Variants in CDK17 observed in about 807,000 individuals in gnomAD.
CDK17 encodes cyclin-dependent kinase 17.
In CDK17, 24 loss-of-function variants were observed where a neutral mutation model predicts 77.6. That is an observed-to-expected ratio of 0.31 (90% CI 0.22 to 0.44). The LOEUF (loss-of-function observed/expected upper bound fraction) is 0.44. Among genes scored for constraint, CDK17 ranks in the 20% least tolerant of loss-of-function variants. The pLI, the probability that CDK17 is intolerant of heterozygous loss-of-function variation, is 1.00. For synonymous variants in CDK17, 203 were observed against 210.4 expected (o/e 0.96, Z 0.30); for missense variants, 429 against 622.5 (o/e 0.69, Z 3.31).
chr12:96,364,918 T>C (rs1047819300), intron 1 of CDK17, among the ~76,000 whole-genome samples: 1 of 152,108 alleles, frequency 6.6e-6, no homozygotes, highest in African/African-American at 2.4e-5. Context: ...TCAAGGTATA[T>C]AAAAAAGGTG....
At chr12:96,288,709 G>A (rs1434101212) in intron 11 of CDK17, among the ~76,000 whole-genome samples, 1 of 152,180 alleles carries the variant, frequency 6.6e-6, no homozygotes, top group Non-Finnish European at 1.5e-5. Context: ...CGGTGTGTGA[G>A]AAAGATGACT....
intron 1 of CDK17, among the ~76,000 whole-genome samples, chr12:96,385,885 A>G (rs1305284356): frequency 6.6e-6 from 1 of 152,208 alleles, no homozygotes; most frequent in Non-Finnish European, 1.5e-5. Flanking sequence ...AGGAAAAAAC[A>G]TAAAATAATT....
At chr12:96,370,498 A>G (rs1368472225) in intron 1 of CDK17, among the ~76,000 whole-genome samples, 1 of 152,230 alleles carries the variant, frequency 6.6e-6, no homozygotes, top group Non-Finnish European at 1.5e-5. Context: ...AGCAAGATCA[A>G]AAGTAGGATA....
At chr12:96,387,633 C>G (rs1252466151) in intron 1 of CDK17, among the ~76,000 whole-genome samples, 1 of 152,190 alleles carries the variant, frequency 6.6e-6, no homozygotes, top group Admixed American at 6.5e-5. Context: ...TAACCAGTTA[C>G]TCTATTTTGA....
chr12:96,290,596 A>G (rs745352651), intron 10 of CDK17, among the ~76,000 whole-genome samples: 6 of 152,230 alleles, frequency 3.9e-5, no homozygotes, highest in Non-Finnish European at 8.8e-5. Flanking sequence ...TTACTCTAGC[A>G]TCTCAACTTG....
At chr12:96,364,277 T>G (rs916060725) in intron 1 of CDK17, among the ~76,000 whole-genome samples, 1 of 152,230 alleles carries the variant, frequency 6.6e-6, no homozygotes, top group South Asian at 2.1e-4. Flanking sequence ...GTAAAATACC[T>G]GAGTAAAACT....
At chr12:96,334,952 A>G (rs1477798126) in intron 1 of CDK17, 87 bp from the exon 2 acceptor site, 1 of 694,204 alleles carries the variant, frequency 1.4e-6, no homozygotes, top group Non-Finnish European at 2.6e-6. Context: ...GGAAATCTTT[A>G]AAATAGGAAT....
chr12:96,341,326 C>CAG (rs1953119171), intron 1 of CDK17, among the ~76,000 whole-genome samples: 1 of 140,254 alleles, frequency 7.1e-6, no homozygotes, highest in African/African-American at 2.5e-5. Context: ...CATACACACA[C>CAG]ACACACACAC....
intron 1 of CDK17, among the ~76,000 whole-genome samples, chr12:96,337,743 C>T (rs1393878492): frequency 6.6e-6 from 1 of 152,126 alleles, no homozygotes. Context: ...GAGCTATTGC[C>T]ACTCTCATCT....
intron 1 of CDK17, among the ~76,000 whole-genome samples, chr12:96,382,373 AT>A (rs1180918840): frequency 6.7e-6 from 1 of 150,330 alleles, no homozygotes; most frequent in Non-Finnish European, 1.5e-5. Flanking sequence ...AAAAAAAAAA[AT>A]CCTACCAACC....
Position 96,353,604 on chromosome 12 carries a change from G to GT in CDK17, c.-29-18740_-29-18739insA, listed in dbSNP as rs1406997832. 2.1e-4 allele frequency among the ~76,000 whole-genome samples: 15 copies of GT among 71,992 alleles called. 1 individual carries two copies. The highest frequency in any genetic ancestry group is 9.5e-4 in the Admixed American group (6 of 6,320). 47.2% of individuals were successfully genotyped at this position (71,992 alleles called of 152,430 possible). On this transcript the variant is annotated intron_variant, in intron 1 of 16. Transcript: ENST00000261211. ...AAATGTCAACAGAGTTTAAAAGGTG[G>GT]CGGGGGGGGGCGCGGGTACAAATAT...
At chr12:96,286,513 A>G (rs1036921109) in intron 12 of CDK17, 151 bp downstream of exon 12, 5 of 560,782 alleles carry the variant, frequency 8.9e-6, no homozygotes, top group Admixed American at 6.6e-5. Flanking sequence ...AGAAGGATCT[A>G]TCTTCATAGT....
intron 1 of CDK17, among the ~76,000 whole-genome samples, chr12:96,360,660 A>C (rs1342905239): frequency 6.6e-6 from 1 of 152,212 alleles, no homozygotes; most frequent in East Asian, 1.9e-4. Flanking sequence ...CAAGATGAGA[A>C]ACACTACAGA....
chr12:96,352,985 C>G (rs1953333410), intron 1 of CDK17, among the ~76,000 whole-genome samples: 1 of 146,894 alleles, frequency 6.8e-6, no homozygotes, highest in African/African-American at 2.4e-5. Context: ...ATAGAAACCA[C>G]CTGTCCCACT....
intron 1 of CDK17, among the ~76,000 whole-genome samples, chr12:96,346,218 G>A (rs75807621): frequency 1.3e-4 from 20 of 151,468 alleles, no homozygotes; most frequent in Middle Eastern, 3.4e-3. Flanking sequence ...TTTGGAAGGC[G>A]GAGGCGGGCA....
intron 7 of CDK17, 119 bp downstream of exon 7, chr12:96,298,750 A>G: frequency 1.8e-6 from 1 of 561,222 alleles, no homozygotes; most frequent in Non-Finnish European, 3.1e-6. Context: ...TTGCTTTTTA[A>G]AGGTTTAATT....
chr12:96,391,112 C>T (rs1167972939), intron 1 of CDK17, among the ~76,000 whole-genome samples: 1 of 151,672 alleles, frequency 6.6e-6, no homozygotes, highest in Admixed American at 6.6e-5. Flanking sequence ...AACAAAGCTT[C>T]TAGTCAACTG....
At chr12:96,386,002 C>T (rs780629197) in intron 1 of CDK17, among the ~76,000 whole-genome samples, 47 of 152,104 alleles carry the variant, frequency 3.1e-4, no homozygotes, top group Non-Finnish European at 5.3e-4. Context: ...TAAGATGGAA[C>T]GACAGGAAGG....
intron 1 of CDK17, among the ~76,000 whole-genome samples, chr12:96,336,966 G>A (rs1055029845): frequency 3.9e-5 from 6 of 152,080 alleles, no homozygotes; most frequent in African/African-American, 1.4e-4. Flanking sequence ...TGTATGCTTA[G>A]TAATTTTTTA....
Sources: gnomAD v4.1 joint callset for allele counts (sites outside exome capture counted in the v4.1 genomes callset) on GRCh38, gnomAD v4.1.1 for gene constraint, MANE v1.5 for transcripts, NCBI Gene and HGNC (gene_info 2026-07-23, HGNC 2026-07-21) for gene names.